TRIL: variants seen among roughly 807,000 people sequenced by gnomAD.
TRIL encodes TLR4 interactor with leucine rich repeats.
TRIL carries 23 observed loss-of-function variants against 43.0 expected under a neutral mutation model. The observed-to-expected ratio is 0.54, with a 90% CI of 0.39 to 0.76. TRIL has a LOEUF of 0.76. Among genes scored for constraint, TRIL ranks in the 30% least tolerant of loss-of-function variants. The pLI is 0.00. For synonymous variants in TRIL, 602 were observed against 556.8 expected, an observed-to-expected ratio of 1.08 and a Z score of -1.14; for missense variants, 1,114 against 1,139.3, an observed-to-expected ratio of 0.98 and a Z score of 0.32.
At position 28,956,743 on chromosome 7, in the gene TRIL, G is replaced by A; in HGVS notation, c.1304C>T (p.Ala435Val). The change falls in exon 1 of 1, where the codon GCC becomes GTC. Residue 435 changes from alanine to valine, a missense_variant. Ala to Val is a moderately conservative substitution (Grantham distance 64). Coordinates refer to ENST00000539664, the MANE Select transcript of TRIL (RefSeq NM_014817.4). Reference sequence around the variant, plus strand: ...AGGTGGCGTCATCTCCTCCCCTGCGGCCGTGGGTAGGGGCTGCCGCCTGCG... The same window carrying A: ...AGGTGGCGTCATCTCCTCCCCTGCGACCGTGGGTAGGGGCTGCCGCCTGCG... ...ADRRRQPLPT[A>V]AGEEMTPPAG... 6.2e-7 allele frequency: 1 copy of A among 1,606,628 alleles called. No individual in the cohort carries two copies. Among genetic ancestry groups the A allele is most frequent in the Non-Finnish European group, 8.5e-7 (1 of 1,179,074 alleles).
In TRIL at chr7:28,957,709, T is replaced by C. The variant is rs1176967782; in HGVS notation, c.338A>G (p.Tyr113Cys). 4 of 1,611,716 alleles carry C rather than the reference T, an allele frequency of 2.5e-6. No individual in the cohort carries two copies. The highest frequency in any genetic ancestry group is 3.4e-6 in the Non-Finnish European group (4 of 1,178,962). ...CGCCTGCAAGAGGTTGTTCCCCAGG[T>C]ACAGCTCTTCCAGCCGCGAGAGCTT... The part of the protein sequence containing the change: ...FEKLSRLEEL[Y>C]LGNNLLQALA... Residue 113 changes from tyrosine (Y) to cysteine (C), a missense_variant, in exon 1 of 1, where the codon TAC becomes TGC. By Grantham distance (194) the Tyr-to-Cys change is radical (BLOSUM62 -2). Transcript: ENST00000539664.
rs1334232978 is a variant in TRIL, at chr7:28,955,561, G to C, written c.*50C>G. The C allele has an allele frequency of 5.5e-6, 8 of 1,453,576 alleles. 1 individual carries two copies. The Admixed American group carries it at 1.5e-4, about 27-fold the overall frequency. The allele number at this position is 1,453,576 out of a possible 1,614,324, so 90.0% of individuals were successfully genotyped here. A position where few individuals can be genotyped will look rare whatever the true frequency, so the allele number is the denominator to read the frequency against. On this transcript the variant is annotated 3_prime_UTR_variant, in exon 1 of 1. Transcript: ENST00000539664. ...CCTGAGGTGGGCTGGTGGGCCTCAC[G>C]GAGAGGCGGCTCCTTAGGGCCAATG... is the stretch of plus-strand genomic sequence containing the variant.
chr7:28,957,681 G>C lies in TRIL; in HGVS notation c.366C>G (p.Leu122=), dbSNP rs1304847937. 3 of 1,608,394 alleles carry C rather than the reference G, an allele frequency of 1.9e-6. No individual in the cohort carries two copies. Among genetic ancestry groups the C allele is most frequent in the South Asian group, 1.1e-5 (1 of 90,358 alleles). The change falls in exon 1 of 1, where the codon CTC becomes CTG. Residue 122 remains leucine, a synonymous_variant. Coordinates refer to ENST00000539664, the MANE Select transcript of TRIL (RefSeq NM_014817.4). ...LYLGNNLLQA[L]APGTLAPLRK... The stretch of plus-strand genomic sequence containing the variant: ...GCAGCGGGGCCAGCGTGCCCGGGGC[G>C]AGCGCCTGCAAGAGGTTGTTCCCCA...
In TRIL at chr7:28,955,787, C is replaced by A. The variant is rs1783387686; in HGVS notation, c.2260G>T (p.Gly754Cys). The A allele has an allele frequency of 6.5e-7, 1 of 1,550,144 alleles. No homozygotes were observed. The highest frequency in any genetic ancestry group is 8.7e-7 in the Non-Finnish European group (1 of 1,146,816). The part of the protein sequence containing the change: ...TRRPLRSMGT[G>C]VSADFSGFQS... Reference sequence around the variant, plus strand: ...AATCCCGAGAAGTCGGCGGACACGCCGGTGCCCATGGAGCGCAGGGGCCGT... The same window carrying A: ...AATCCCGAGAAGTCGGCGGACACGCAGGTGCCCATGGAGCGCAGGGGCCGT... The change falls in exon 1 of 1, where the codon GGC becomes TGC. Residue 754 changes from glycine to cysteine, a missense_variant. By Grantham distance (159) the Gly-to-Cys change is radical (BLOSUM62 -3). Coordinates refer to ENST00000539664, the MANE Select transcript of TRIL (RefSeq NM_014817.4).
In TRIL at chr7:28,955,980, G is replaced by A; in HGVS notation, c.2067C>T (p.Ser689=). Residue 689 remains serine, a synonymous_variant, in exon 1 of 1, where the codon AGC becomes AGT. Coordinates refer to ENST00000539664, the MANE Select transcript of TRIL (RefSeq NM_014817.4). Reference sequence around the variant, plus strand: ...GCAGCTGGTAGTCGACGCCGCCCCGGCTCCCGGCCTCCGGTAGGGTGACCA... The same window carrying A: ...GCAGCTGGTAGTCGACGCCGCCCCGACTCCCGGCCTCCGGTAGGGTGACCA... ...AGLVTLPEAG[S]RGGVDYQLLT... 6.4e-7 allele frequency: 1 copy of A among 1,551,518 alleles called. No individual in the cohort carries two copies. Among genetic ancestry groups the A allele is most frequent in the Non-Finnish European group, 8.7e-7 (1 of 1,153,102 alleles).
chr7:28,954,439 AC>A lies in TRIL; in HGVS notation c.*1171del, dbSNP rs1783365979. 1 of 152,596 alleles carries A rather than the reference AC, an allele frequency of 6.6e-6. No individual in the cohort carries two copies. Among genetic ancestry groups the A allele is most frequent in the Non-Finnish European group, 1.5e-5 (1 of 68,020 alleles). The allele number at this position is 152,596 out of a possible 1,614,324, so 9.5% of individuals were successfully genotyped here. A position where few individuals can be genotyped will look rare whatever the true frequency, so the allele number is the denominator to read the frequency against. On this transcript the variant is annotated 3_prime_UTR_variant, in exon 1 of 1. Transcript: ENST00000539664. ...TCTGGTTTTAGTAGAACAGATACCC[AC>A]TGGTGTATTTTTTTCACATTTGTTT... is the stretch of plus-strand genomic sequence containing the variant.
At position 28,955,723 on chromosome 7, in the gene TRIL, C is replaced by T. The variant is rs1783386580; in HGVS notation, c.2324G>A (p.Ser775Asn). 6.5e-7 allele frequency: 1 copy of T among 1,550,354 alleles called. No individual in the cohort carries two copies. Among genetic ancestry groups the T allele is most frequent in the Non-Finnish European group, 8.7e-7 (1 of 1,146,916 alleles). ...HRPRTTVCAL[S>N]EADLIEFPCD... Reference sequence around the variant, plus strand: ...GGGGAATTCGATGAGGTCCGCCTCACTGAGCGCGCACACGGTGGTGCGTGG... The same window carrying T: ...GGGGAATTCGATGAGGTCCGCCTCATTGAGCGCGCACACGGTGGTGCGTGG... Residue 775 changes from serine to asparagine, a missense_variant, in exon 1 of 1, where the codon AGT (serine) becomes AAT (asparagine). Coordinates refer to ENST00000539664, the MANE Select transcript of TRIL (RefSeq NM_014817.4).
At position 28,955,418 on chromosome 7, in the gene TRIL, G is replaced by A; in HGVS notation, c.*193C>T. 2 of 850,870 alleles carry A rather than the reference G, an allele frequency of 2.4e-6. No homozygotes were observed. The highest frequency in any genetic ancestry group is 3.4e-6 in the Non-Finnish European group (2 of 581,280). The allele number at this position is 850,870 out of a possible 1,614,324, so 52.7% of individuals were successfully genotyped here. A position where few individuals can be genotyped will look rare whatever the true frequency, so the allele number is the denominator to read the frequency against. On this transcript the variant is annotated 3_prime_UTR_variant, in exon 1 of 1. Coordinates refer to ENST00000539664, the MANE Select transcript of TRIL (RefSeq NM_014817.4). ...CACCATCCATTTGTCCCCTACTCTGGCTCTGACCACCAAGTACCATCCATT... is the reference window on the plus strand; with the variant it reads ...CACCATCCATTTGTCCCCTACTCTGACTCTGACCACCAAGTACCATCCATT...
In TRIL at chr7:28,955,975, C is replaced by T; in HGVS notation, c.2072G>A (p.Gly691Asp). Residue 691 changes from glycine to aspartate, a missense_variant, in exon 1 of 1, where the codon GGC (glycine) becomes GAC (aspartate). Gly to Asp is a moderately conservative substitution (Grantham distance 94). Coordinates refer to ENST00000539664, the MANE Select transcript of TRIL (RefSeq NM_014817.4). ...LVTLPEAGSR[G>D]GVDYQLLTLA... ...GGTCAGCAGCTGGTAGTCGACGCCG[C>T]CCCGGCTCCCGGCCTCCGGTAGGGT... 1.3e-6 allele frequency: 2 copies of T among 1,551,720 alleles called. No individual in the cohort carries two copies. The highest frequency in any genetic ancestry group is 1.9e-5 in the Admixed American group (1 of 52,454).
Position 28,957,551 on chromosome 7 carries a change from C to G in TRIL, c.496G>C (p.Ala166Pro), listed in dbSNP as rs1397672474. The G allele has an allele frequency of 6.2e-7, 1 of 1,612,570 alleles. No individual in the cohort carries two copies. The highest frequency in any genetic ancestry group is 1.7e-5 in the Admixed American group (1 of 59,960). Residue 166 changes from alanine (A) to proline (P), a missense_variant, in exon 1 of 1, where the codon GCC (alanine) becomes CCC (proline). Ala to Pro is a conservative substitution (Grantham distance 27). Transcript: ENST00000539664. ...SLVKLRLDGN[A>P]LGALPDAVFA... ...ACCGCGTCCGGCAGCGCCCCCAGGG[C>G]GTTCCCGTCCAGCCGCAGCTTGACT...
In TRIL at chr7:28,957,218, C is replaced by T. The variant is rs998443442; in HGVS notation, c.829G>A (p.Glu277Lys). The change falls in exon 1 of 1, where the codon GAG (glutamate) becomes AAG (lysine). Residue 277 changes from glutamate (E) to lysine (K), a missense_variant. Glu to Lys is a moderately conservative substitution (Grantham distance 56). Transcript: ENST00000539664. ...HLAPEAFWGL[E>K]ALRELRLEGN... The stretch of plus-strand genomic sequence containing the variant: ...TCCAGGCGCAGCTCGCGCAGGGCCT[C>T]CAAGCCCCAAAAGGCCTCAGGCGCG... The T allele has an allele frequency of 6.2e-7, 1 of 1,604,760 alleles. No individual in the cohort carries two copies. Among genetic ancestry groups the T allele is most frequent in the African/African-American group, 1.3e-5 (1 of 74,866 alleles).
rs1783417527 is a variant in TRIL at position 28,957,108 on chromosome 7, C to G, written c.939G>C (p.Leu313=). 3 of 1,574,594 alleles carry G rather than the reference C, an allele frequency of 1.9e-6. No individual in the cohort carries two copies. Among genetic ancestry groups the G allele is most frequent in the Non-Finnish European group, 2.6e-6 (3 of 1,163,266 alleles). The change falls in exon 1 of 1, where the codon CTG becomes CTC. Residue 313 remains leucine (L), a synonymous_variant. Transcript: ENST00000539664. ...LEALDLSGNE[L]SALHPATFGH... is the part of the protein sequence containing the mutation. ...CGAAGGTGGCCGGGTGCAGGGCGGA[C>G]AGCTCATTGCCGCTCAGGTCCAGCG...
Position 28,956,865 on chromosome 7 carries a change from C to G in TRIL, c.1182G>C (p.Pro394=), listed in dbSNP as rs1562703280. Reference sequence around the variant, plus strand: ...AATCCAGGTATTTGCCTCGCAGGGCCGGGGGGTGGCGACACTGCACGAAGA... The same window carrying G: ...AATCCAGGTATTTGCCTCGCAGGGCGGGGGGGTGGCGACACTGCACGAAGA... ...LTVFVQCRHP[P]ALRGKYLDYL... The change falls in exon 1 of 1, where the codon CCG becomes CCC. Residue 394 remains proline, a synonymous_variant. Coordinates refer to ENST00000539664, the MANE Select transcript of TRIL (RefSeq NM_014817.4). The G allele has an allele frequency of 6.2e-7, 1 of 1,607,526 alleles. No individual in the cohort carries two copies. Among genetic ancestry groups the G allele is most frequent in the South Asian group, 1.1e-5 (1 of 90,732 alleles).
chr7:28,957,527 C>A lies in TRIL; in HGVS notation c.520G>T (p.Val174Phe), dbSNP rs774137358. ...GNALGALPDAVFAPLGNLLYL... is the reference protein window; with the variant it reads ...GNALGALPDAFFAPLGNLLYL... ...AGCAGGTTGCCCAAGGGAGCGAAGACCGCGTCCGGCAGCGCCCCCAGGGCG... is the reference window on the plus strand; with the variant it reads ...AGCAGGTTGCCCAAGGGAGCGAAGAACGCGTCCGGCAGCGCCCCCAGGGCG... The change falls in exon 1 of 1, where the codon GTC (valine) becomes TTC (phenylalanine). Residue 174 changes from valine (V) to phenylalanine (F), a missense_variant. By Grantham distance (50) the Val-to-Phe change is conservative. Transcript: ENST00000539664. 3 of 1,613,058 alleles carry A rather than the reference C, an allele frequency of 1.9e-6. No individual in the cohort carries two copies. Among genetic ancestry groups the A allele is most frequent in the Non-Finnish European group, 2.5e-6 (3 of 1,179,826 alleles).
chr7:28,955,779 G>A lies in TRIL; in HGVS notation c.2268C>T (p.Ser756=). The change falls in exon 1 of 1, where the codon TCC becomes TCT. Residue 756 remains serine (S), a synonymous_variant. Transcript: ENST00000539664. ...GCGACTGGAATCCCGAGAAGTCGGC[G>A]GACACGCCGGTGCCCATGGAGCGCA... is the stretch of plus-strand genomic sequence containing the variant. ...RPLRSMGTGV[S]ADFSGFQSHR... is the part of the protein sequence containing the mutation. 1 of 1,550,216 alleles carries A rather than the reference G, an allele frequency of 6.5e-7. No individual in the cohort carries two copies. The highest frequency in any genetic ancestry group is 8.7e-7 in the Non-Finnish European group (1 of 1,146,846).
chr7:28,955,105 C>T lies in TRIL; in HGVS notation c.*506G>A, dbSNP rs1247592264. On this transcript the variant is annotated 3_prime_UTR_variant, in exon 1 of 1. Coordinates refer to ENST00000539664, the MANE Select transcript of TRIL (RefSeq NM_014817.4). Reference sequence around the variant, plus strand: ...CGAGTTCCTTGGCGGGTATGTTAAACTTTACCACCTGTTTACATCCCCCTT... The same window carrying T: ...CGAGTTCCTTGGCGGGTATGTTAAATTTTACCACCTGTTTACATCCCCCTT... 6.5e-6 allele frequency: 1 copy of T among 154,966 alleles called. No individual in the cohort carries two copies. The highest frequency in any genetic ancestry group is 2.4e-5 in the African/African-American group (1 of 41,572). 9.6% of individuals were successfully genotyped at this position (154,966 alleles called of 1,614,324 possible).
Position 28,955,474 on chromosome 7 carries a change from G to C in TRIL, c.*137C>G, listed in dbSNP as rs1041800889. 1.6e-6 allele frequency: 2 copies of C among 1,262,862 alleles called. No homozygotes were observed. Among genetic ancestry groups the C allele is most frequent in the African/African-American group, 3.0e-5 (2 of 66,056 alleles). The allele number at this position is 1,262,862 out of a possible 1,614,324, so 78.2% of individuals were successfully genotyped here. A position where few individuals can be genotyped will look rare whatever the true frequency, so the allele number is the denominator to read the frequency against. On this transcript the variant is annotated 3_prime_UTR_variant, in exon 1 of 1. Coordinates refer to ENST00000539664, the MANE Select transcript of TRIL (RefSeq NM_014817.4). ...CTCGAGTATTGGGAATTGGGGGATG[G>C]TGCCCGAATTGGCCCTCTGTCCCCA... is the stretch of plus-strand genomic sequence containing the variant.
Position 28,955,945 on chromosome 7 carries a change from G to C in TRIL, c.2102C>G (p.Ala701Gly). 1.9e-6 allele frequency: 3 copies of C among 1,554,020 alleles called. No homozygotes were observed. Among genetic ancestry groups the C allele is most frequent in the Non-Finnish European group, 2.6e-6 (3 of 1,152,322 alleles). Reference sequence around the variant, plus strand: ...CAGCAGCGCGTTGACCGTCAGCAGGGCCAAGGTCAGCAGCTGGTAGTCGAC... The same window carrying C: ...CAGCAGCGCGTTGACCGTCAGCAGGCCCAAGGTCAGCAGCTGGTAGTCGAC... The part of the protein sequence containing the change: ...GGVDYQLLTL[A>G]LLTVNALLVL... The change falls in exon 1 of 1, where the codon GCC becomes GGC. Residue 701 changes from alanine to glycine, a missense_variant. Transcript: ENST00000539664.
Position 28,956,018 on chromosome 7 carries a change from G to A in TRIL, c.2029C>T (p.His677Tyr), listed in dbSNP as rs1212527537. 6.5e-7 allele frequency: 1 copy of A among 1,550,334 alleles called. No individual in the cohort carries two copies. The highest frequency in any genetic ancestry group is 8.7e-7 in the Non-Finnish European group (1 of 1,152,894). ...GGTAGGGTGACCAGCCCCGCGCAGT[G>A]GTCCCGGGGAGCCACAGGGCAGACA... Reference protein sequence around the residue: ...GRVCPVAPRDHCAGLVTLPEA... With the variant: ...GRVCPVAPRDYCAGLVTLPEA... Residue 677 changes from histidine (H) to tyrosine (Y), a missense_variant, in exon 1 of 1, where the codon CAC becomes TAC. By Grantham distance (83) the His-to-Tyr change is moderately conservative. Coordinates refer to ENST00000539664, the MANE Select transcript of TRIL (RefSeq NM_014817.4).
Sources: gnomAD v4.1 joint callset for allele counts on GRCh38, gnomAD v4.1.1 for gene constraint, MANE v1.5 for transcripts, NCBI Gene and HGNC (gene_info 2026-07-23, HGNC 2026-07-21) for gene names.